IMMP2L: variants seen among roughly 807,000 people sequenced by gnomAD.
IMMP2L encodes the protein mitochondrial inner membrane protease subunit 2.
In IMMP2L, 18 loss-of-function variants were observed where a neutral mutation model predicts 19.3. The ratio of observed to expected loss-of-function variants is 0.93; its 90% confidence interval spans 0.64 to 1.38. The LOEUF (loss-of-function observed/expected upper bound fraction) is 1.38. Among genes scored for constraint, IMMP2L ranks in the 40% most tolerant of loss-of-function variants. IMMP2L has a pLI of 0.00. For missense variants in IMMP2L, 233 were observed against 218.2 expected (o/e 1.07, Z -0.43); for synonymous variants, 76 against 73.0 (o/e 1.04, Z -0.21).
intron 3 of IMMP2L, among the ~76,000 whole-genome samples, chr7:111,215,630 C>T (rs748911155): frequency 6.6e-6 from 1 of 152,110 alleles, no homozygotes; most frequent in Non-Finnish European, 1.5e-5. Flanking sequence ...CAAAAAGTAT[C>T]AGATCACCCA....
intron 3 of IMMP2L, among the ~76,000 whole-genome samples, chr7:111,126,316 A>G (rs1313324013): frequency 1.3e-5 from 2 of 152,210 alleles, no homozygotes; most frequent in Non-Finnish European, 2.9e-5. Flanking sequence ...AGATTTTAAA[A>G]TTACACCATA....
chr7:111,158,148 C>T (rs1804851143), intron 3 of IMMP2L, among the ~76,000 whole-genome samples: 2 of 151,428 alleles, frequency 1.3e-5, no homozygotes, highest in South Asian at 4.2e-4. Flanking sequence ...TTTATTATTC[C>T]AGAAGCAAAA....
intron 5 of IMMP2L, among the ~76,000 whole-genome samples, chr7:110,821,018 C>G (rs781554319): frequency 1.3e-5 from 2 of 151,984 alleles, no homozygotes; most frequent in Non-Finnish European, 2.9e-5. Flanking sequence ...TACACTGAGA[C>G]CTAAATTATG....
chr7:111,013,827 T>C (rs371243516), intron 3 of IMMP2L, among the ~76,000 whole-genome samples: 34 of 152,154 alleles, frequency 2.2e-4, no homozygotes, highest in African/African-American at 7.2e-4. Flanking sequence ...ACTGCTTATT[T>C]TTTTTTTCTT....
chr7:110,849,006 T>C (rs1805940198), intron 5 of IMMP2L, among the ~76,000 whole-genome samples: 1 of 152,140 alleles, frequency 6.6e-6, no homozygotes, highest in African/African-American at 2.4e-5. Context: ...ATATGTCATA[T>C]GCATTTGTCA....
rs1472500047 is a variant in IMMP2L, at chr7:111,547,511, C to T, written c.-3+14340G>A. On this transcript the variant is annotated intron_variant, in intron 1 of 5. Transcript: ENST00000405709. The stretch of plus-strand genomic sequence containing the variant: ...AGGCTAAACAAACTGTCATACCCCC[C>T]CCCCCTTTTTATCCTGCTTTTTTGC... Among the ~76,000 whole-genome samples the T allele has an allele frequency of 2.7e-5, 4 of 150,388 alleles. 1 individual carries two copies. Among genetic ancestry groups the T allele is most frequent in the African/African-American group, 9.9e-5 (4 of 40,406 alleles).
At chr7:110,863,232 C>T (rs1377990980) in intron 5 of IMMP2L, among the ~76,000 whole-genome samples, 4 of 152,088 alleles carry the variant, frequency 2.6e-5, no homozygotes, top group Non-Finnish European at 4.4e-5. Context: ...TGTTTCCTTA[C>T]ATTTTACTCA....
At chr7:110,879,476 T>G (rs1809425426) in intron 5 of IMMP2L, among the ~76,000 whole-genome samples, 2 of 152,112 alleles carry the variant, frequency 1.3e-5, no homozygotes, top group African/African-American at 4.8e-5. Flanking sequence ...CCACTCTGCT[T>G]CAGATATAAG....
rs868504666 is a variant in IMMP2L at position 111,030,925 on chromosome 7, T to A, written c.240-67360A>T. 2.4e-3 allele frequency among the ~76,000 whole-genome samples: 258 copies of A among 109,652 alleles called. 2 individuals carry two copies. Among genetic ancestry groups the A allele is most frequent in the African/African-American group, 6.5e-3 (192 of 29,616 alleles). 71.9% of individuals were successfully genotyped at this position (109,652 alleles called of 152,430 possible). A position where few individuals can be genotyped will look rare whatever the true frequency, so the allele number is the denominator to read the frequency against. ...ATATATATATATATATATATATATATAAAATATATATACACGAGAATTAGA... is the reference window on the plus strand; with the variant it reads ...ATATATATATATATATATATATATAAAAAATATATATACACGAGAATTAGA... On this transcript the variant is annotated intron_variant, in intron 3 of 5. Transcript: ENST00000405709.
rs186706235 is a variant in IMMP2L, at chr7:110,885,448, G to A, written c.408+1145C>T. ...TAAACACACTAGATAATGAGAAGCA[G>A]GTGTAGTGCCAGTTAACTCAAAGAT... On this transcript the variant is annotated intron_variant, in intron 5 of 5. Coordinates refer to ENST00000405709, the MANE Select transcript of IMMP2L (RefSeq NM_032549.4). 1.7e-3 allele frequency among the ~76,000 whole-genome samples: 261 copies of A among 151,792 alleles called. 2 individuals carry two copies. Among genetic ancestry groups the A allele is most frequent in the South Asian group, 4.4e-3 (21 of 4,802 alleles).
At chr7:111,206,163 C>T (rs570729597) in intron 3 of IMMP2L, among the ~76,000 whole-genome samples, 7 of 152,320 alleles carry the variant, frequency 4.6e-5, no homozygotes, top group African/African-American at 1.7e-4. Flanking sequence ...GAATCTATAA[C>T]CTCCTTCAGA....
chr7:110,668,019 T>C (rs1330130861), intron 5 of IMMP2L, among the ~76,000 whole-genome samples: 3 of 152,288 alleles, frequency 2.0e-5, no homozygotes, highest in Admixed American at 6.5e-5. Context: ...AAAGGTAACA[T>C]GCTATATTCT....
rs1262585941 is a variant in IMMP2L, at chr7:111,111,300, A to T, written c.240-147735T>A. On this transcript the variant is annotated intron_variant, in intron 3 of 5. Coordinates refer to ENST00000405709, the MANE Select transcript of IMMP2L (RefSeq NM_032549.4). ...CATGCTCTTCATGGGTAGCAGTTGT[A>T]AAAAAAAAAAAAAAAAAAAAAAGTT... Among the ~76,000 whole-genome samples the T allele has an allele frequency of 2.9e-5, 3 of 102,224 alleles. No individual in the cohort carries two copies. In the East Asian group the frequency reaches 6.8e-4, roughly 23 times the overall value. The allele number at this position is 102,224 out of a possible 152,430, so 67.1% of individuals were successfully genotyped here. A position where few individuals can be genotyped will look rare whatever the true frequency, so the allele number is the denominator to read the frequency against.
At chr7:111,079,416 C>A (rs149303961) in intron 3 of IMMP2L, among the ~76,000 whole-genome samples, 1,965 of 152,250 alleles carry the variant, frequency 0.013, 18 homozygotes, top group Non-Finnish European at 0.02. Flanking sequence ...CGCGCCCGGC[C>A]TAATTTTTTT....
chr7:110,802,168 T>C (rs1212931065), intron 5 of IMMP2L, among the ~76,000 whole-genome samples: 1 of 152,090 alleles, frequency 6.6e-6, no homozygotes, highest in Non-Finnish European at 1.5e-5. Context: ...TGGTCTACCC[T>C]AGCAGAAATA....
intron 3 of IMMP2L, among the ~76,000 whole-genome samples, chr7:111,402,167 A>G (rs1348547103): frequency 7.2e-6 from 1 of 137,992 alleles, no homozygotes; most frequent in Admixed American, 7.1e-5. Context: ...AATAATAATA[A>G]TAATATTAAG....
chr7:110,759,802 T>G (rs189135570), intron 5 of IMMP2L, among the ~76,000 whole-genome samples: 2 of 152,258 alleles, frequency 1.3e-5, no homozygotes, highest in East Asian at 3.9e-4. Context: ...TAATTTCAAA[T>G]AAGAGAGGAT....
At chr7:111,396,555 G>A (rs1832883813) in intron 3 of IMMP2L, among the ~76,000 whole-genome samples, 1 of 152,006 alleles carries the variant, frequency 6.6e-6, no homozygotes, top group African/African-American at 2.4e-5. Context: ...TGCATGCAGG[G>A]CTTGAAACCT....
rs1725018181 is a variant in IMMP2L, at chr7:111,251,953, A to G, written c.239+235285T>C. Among the ~76,000 whole-genome samples, 3 of 152,118 alleles carry G rather than the reference A, an allele frequency of 2.0e-5. No individual in the cohort carries two copies. In the South Asian group the frequency reaches 6.2e-4, roughly 32 times the overall value. ...TCTATCTTCACGAGTTTTATTCCCTAATATTAAACTTGTCTAAAGGTTTAC... is the reference window on the plus strand; with the variant it reads ...TCTATCTTCACGAGTTTTATTCCCTGATATTAAACTTGTCTAAAGGTTTAC... On this transcript the variant is annotated intron_variant, in intron 3 of 5. Transcript: ENST00000405709.
Sources: allele counts gnomAD v4.1 joint callset (sites outside exome capture counted in the v4.1 genomes callset), GRCh38; gene constraint gnomAD v4.1.1; transcripts MANE v1.5; gene names NCBI Gene and HGNC (gene_info 2026-07-23, HGNC 2026-07-21).